Variants in PPP6R3 observed in about 807,000 individuals in gnomAD.
The protein encoded by PPP6R3 is protein phosphatase 6 regulatory subunit 3.
Under a neutral mutation model 110.7 loss-of-function variants are expected in PPP6R3, and 38 were observed. The observed-to-expected ratio is 0.34, with a 90% CI of 0.26 to 0.45. The LOEUF (loss-of-function observed/expected upper bound fraction) is 0.45. PPP6R3 is among the 20% of genes least tolerant of loss of function. The pLI is 1.00. For missense variants in PPP6R3, 870 were observed against 1,062.4 expected (o/e 0.82, Z 2.52); for synonymous variants, 369 against 373.5 (o/e 0.99, Z 0.14).
chr11:68,542,389 G>GTTTGTTTTTTTTTTTTTT (rs2099321682), intron 3 of PPP6R3, among the ~76,000 whole-genome samples: 1 of 40,188 alleles, frequency 2.5e-5, no homozygotes, highest in African/African-American at 1.0e-4. Context: ...AGAAGCTGCT[G>GTTTGTTTTTTTTTTTTTT]TTTTTTTTTT....
chr11:68,610,710 C>A (rs1034105657), intron 23 of PPP6R3, among the ~76,000 whole-genome samples: 3 of 152,182 alleles, frequency 2.0e-5, no homozygotes, highest in African/African-American at 7.2e-5. Flanking sequence ...GAGGCTGCAC[C>A]CCTGGGCCAC....
rs571349398 is a variant in PPP6R3, at chr11:68,497,289, C to T, written c.-157-22212C>T. Among the ~76,000 whole-genome samples, 9 of 151,190 alleles carry T rather than the reference C, an allele frequency of 6.0e-5. No individual in the cohort carries two copies. In the South Asian group the frequency reaches 1.7e-3, roughly 28 times the overall value. On this transcript the variant is annotated intron_variant, in intron 1 of 23. Transcript: ENST00000393800. ...CAGGATGGTCTCGATCTCCTGACCT[C>T]GTGATCCGCCCATCTCGGCCTCCCA... is the stretch of plus-strand genomic sequence containing the variant.
intron 1 of PPP6R3, among the ~76,000 whole-genome samples, chr11:68,503,683 G>A (rs2099060202): frequency 6.6e-6 from 1 of 152,228 alleles, no homozygotes; most frequent in Non-Finnish European, 1.5e-5. Context: ...TGACCTGAAA[G>A]AGCAGTTTGA....
At chr11:68,589,733 G>T (rs1200160269) in intron 16 of PPP6R3, among the ~76,000 whole-genome samples, 2 of 152,208 alleles carry the variant, frequency 1.3e-5, no homozygotes, top group Non-Finnish European at 2.9e-5. Flanking sequence ...GGAGCCTGTT[G>T]TTTGTCACAG....
At chr11:68,540,922 A>G (rs1179927849) in intron 3 of PPP6R3, among the ~76,000 whole-genome samples, 1 of 152,210 alleles carries the variant, frequency 6.6e-6, no homozygotes, top group African/African-American at 2.4e-5. Context: ...CATATTGCTC[A>G]AACACACATG....
At chr11:68,475,582 C>T (rs1161620010) in intron 1 of PPP6R3, among the ~76,000 whole-genome samples, 82 of 142,552 alleles carry the variant, frequency 5.8e-4, no homozygotes, top group African/African-American at 1.6e-3. Context: ...GCTGGCCGGG[C>T]GGGGGCTGCC....
chr11:68,543,349 G>T (rs1047975285), intron 3 of PPP6R3, among the ~76,000 whole-genome samples: 1 of 151,326 alleles, frequency 6.6e-6, no homozygotes, highest in South Asian at 2.1e-4. Flanking sequence ...CCCATGCTAC[G>T]TAAATTGAGG....
chr11:68,535,337 T>A (rs2099264217), intron 2 of PPP6R3: 1 of 152,170 alleles, frequency 6.6e-6, no homozygotes, highest in African/African-American at 2.4e-5. Context: ...CTGGACATAA[T>A]TATTAGACTA....
At chr11:68,573,562 C>G (rs183463014) in intron 12 of PPP6R3, among the ~76,000 whole-genome samples, 6 of 152,218 alleles carry the variant, frequency 3.9e-5, no homozygotes, top group African/African-American at 1.4e-4. Context: ...TGGTCAAGTA[C>G]TAGTTGACTG....
chr11:68,554,380 G>A, intron 7 of PPP6R3, 123 bp downstream of exon 7: 2 of 661,658 alleles, frequency 3.0e-6, no homozygotes, highest in South Asian at 2.9e-5. Context: ...AACCTTGGGT[G>A]GGTGAGAAGG....
chr11:68,527,287 T>TG (rs899401879), intron 2 of PPP6R3, among the ~76,000 whole-genome samples: 11 of 152,188 alleles, frequency 7.2e-5, no homozygotes, highest in Non-Finnish European at 1.6e-4. Context: ...TCTGCTCCGG[T>TG]GGGCCCCTCT....
At chr11:68,588,680 C>T (rs1017945564) in intron 16 of PPP6R3, among the ~76,000 whole-genome samples, 1 of 150,608 alleles carries the variant, frequency 6.6e-6, no homozygotes, top group South Asian at 2.1e-4. Context: ...CTCCTGACCT[C>T]GTGATCCGCC....
chr11:68,534,628 T>C (rs2099259606), intron 2 of PPP6R3, among the ~76,000 whole-genome samples: 2 of 152,232 alleles, frequency 1.3e-5, no homozygotes, highest in South Asian at 4.1e-4. Flanking sequence ...ACCTGATTGG[T>C]GAACGTATAC....
Position 68,579,823 on chromosome 11 carries a change from G to A in PPP6R3, c.1546-3220G>A, listed in dbSNP as rs544124929. Among the ~76,000 whole-genome samples the A allele has an allele frequency of 2.0e-4, 31 of 152,330 alleles. No individual in the cohort carries two copies. The South Asian group carries it at 3.9e-3, about 19-fold the overall frequency. ...CATGCTCCAGTTGCCTCAGTATTCA[G>A]TGCAGTACTGTGCTGTGCAGGTGTG... On this transcript the variant is annotated intron_variant, in intron 14 of 23. Coordinates refer to ENST00000393800, the MANE Select transcript of PPP6R3 (RefSeq NM_001164161.2).
chr11:68,542,134 A>G (rs1212216589), intron 3 of PPP6R3, among the ~76,000 whole-genome samples: 1 of 112,580 alleles, frequency 8.9e-6, no homozygotes, highest in African/African-American at 3.4e-5. Flanking sequence ...CGAGTGATGC[A>G]TTGTGCTGGA....
chr11:68,589,364 T>C (rs1194277911), intron 16 of PPP6R3, among the ~76,000 whole-genome samples: 1 of 152,094 alleles, frequency 6.6e-6, no homozygotes, highest in East Asian at 1.9e-4. Flanking sequence ...TAGATTTGGG[T>C]TTTTTGCAAG....
chr11:68,517,005 G>A (rs1382779144), intron 1 of PPP6R3, among the ~76,000 whole-genome samples: 1 of 152,036 alleles, frequency 6.6e-6, no homozygotes, highest in Non-Finnish European at 1.5e-5. Flanking sequence ...CTTTGTGCCA[G>A]GGTCATGCCG....
At chr11:68,555,356 G>A (rs774024439) in intron 7 of PPP6R3, among the ~76,000 whole-genome samples, 1 of 152,188 alleles carries the variant, frequency 6.6e-6, no homozygotes, top group African/African-American at 2.4e-5. Flanking sequence ...TTGAATATCA[G>A]CAGTTTCATA....
chr11:68,578,308 T>TA (rs1251165247), intron 14 of PPP6R3, among the ~76,000 whole-genome samples: 2 of 152,234 alleles, frequency 1.3e-5, no homozygotes, highest in Non-Finnish European at 2.9e-5. Flanking sequence ...CAGTGGGCCT[T>TA]ACCCTTGCAA....
Sources: gnomAD v4.1 joint callset for allele counts (sites outside exome capture counted in the v4.1 genomes callset) on GRCh38, gnomAD v4.1.1 for gene constraint, MANE v1.5 for transcripts, NCBI Gene and HGNC (gene_info 2026-07-23, HGNC 2026-07-21) for gene names.